The following GPR158 variants were observed in gnomAD, a reference collection of about 807,000 sequenced individuals.
GPR158 encodes the protein G protein-coupled receptor 158, also known as metabotropic glycine receptor.
Under a neutral mutation model 78.2 loss-of-function variants are expected in GPR158, and 30 were observed. That is an observed-to-expected ratio of 0.38 (90% CI 0.29 to 0.52). The LOEUF (loss-of-function observed/expected upper bound fraction) is 0.52. GPR158 is among the 20% of genes least tolerant of loss of function. GPR158 has a pLI of 0.83. For synonymous variants in GPR158, 581 were observed against 591.1 expected, an observed-to-expected ratio of 0.98 and a Z score of 0.25; for missense variants, 1,463 against 1,523.5, an observed-to-expected ratio of 0.96 and a Z score of 0.66.
intron 1 of GPR158, among the ~76,000 whole-genome samples, chr10:25,181,585 G>T (rs983298682): frequency 1.3e-5 from 2 of 152,174 alleles, no homozygotes; most frequent in Non-Finnish European, 2.9e-5. Flanking sequence ...TTGACTTAGG[G>T]TGTTACCAGA....
chr10:25,450,149 C>T (rs1431701366), intron 4 of GPR158, among the ~76,000 whole-genome samples: 3 of 152,022 alleles, frequency 2.0e-5, no homozygotes, highest in Non-Finnish European at 4.4e-5. Context: ...CTGAAGTTAG[C>T]CAGGCCAGAG....
chr10:25,392,419 A>G (rs1834312638), intron 2 of GPR158, among the ~76,000 whole-genome samples: 1 of 152,216 alleles, frequency 6.6e-6, no homozygotes, highest in Non-Finnish European at 1.5e-5. Flanking sequence ...AGTGGGCATA[A>G]TGTGCCTAGC....
chr10:25,525,135 T>A (rs900025558), intron 5 of GPR158, among the ~76,000 whole-genome samples: 1 of 152,174 alleles, frequency 6.6e-6, no homozygotes, highest in African/African-American at 2.4e-5. Context: ...GCAATGAGTG[T>A]TGGCGAGGAG....
At chr10:25,430,188 A>G (rs905787326) in intron 4 of GPR158, among the ~76,000 whole-genome samples, 47 of 152,214 alleles carry the variant, frequency 3.1e-4, no homozygotes, top group African/African-American at 1.0e-3. Flanking sequence ...TCAACATGCA[A>G]AAATCACAAG....
chr10:25,530,371 G>A (rs1443343964), intron 5 of GPR158, among the ~76,000 whole-genome samples: 1 of 152,172 alleles, frequency 6.6e-6, no homozygotes, highest in Non-Finnish European at 1.5e-5. Flanking sequence ...TCTGTGAAGT[G>A]TAAGAGCAGC....
chr10:25,316,736 A>G (rs1469801662), intron 2 of GPR158, among the ~76,000 whole-genome samples: 1 of 152,176 alleles, frequency 6.6e-6, no homozygotes, highest in Non-Finnish European at 1.5e-5. Flanking sequence ...TTTTCTCTAA[A>G]ATTTAAAATA....
intron 2 of GPR158, among the ~76,000 whole-genome samples, chr10:25,266,275 G>C (rs181239642): frequency 6.6e-6 from 1 of 152,226 alleles, no homozygotes; most frequent in African/African-American, 2.4e-5. Context: ...TTGATTGTTT[G>C]TCATTCACTT....
At chr10:25,587,674 A>G (rs189888913) in intron 7 of GPR158, among the ~76,000 whole-genome samples, 139 of 152,316 alleles carry the variant, frequency 9.1e-4, no homozygotes, top group Middle Eastern at 3.4e-3. Flanking sequence ...ACCATGCTGA[A>G]TAAGACAGAC....
At chr10:25,418,309 T>C (rs190363047) in intron 4 of GPR158, among the ~76,000 whole-genome samples, 2 of 152,208 alleles carry the variant, frequency 1.3e-5, no homozygotes, top group African/African-American at 4.8e-5. Flanking sequence ...TGATGAAATA[T>C]TGGTTTAACA....
chr10:25,533,112 T>C (rs1177979131), intron 5 of GPR158, among the ~76,000 whole-genome samples: 1 of 152,212 alleles, frequency 6.6e-6, no homozygotes, highest in African/African-American at 2.4e-5. Context: ...TATTCTTGCA[T>C]ATATATTTCT....
intron 2 of GPR158, among the ~76,000 whole-genome samples, chr10:25,240,989 G>C (rs555425381): frequency 1.3e-4 from 20 of 152,124 alleles, no homozygotes; most frequent in Non-Finnish European, 2.4e-4. Context: ...TCTATTAAGA[G>C]GTTGAGGAAA....
intron 2 of GPR158, among the ~76,000 whole-genome samples, chr10:25,387,873 T>G (rs1473770706): frequency 6.6e-6 from 1 of 152,172 alleles, no homozygotes; most frequent in East Asian, 1.9e-4. Context: ...TTATACATGT[T>G]TAGTAGAATT....
At chr10:25,528,926 A>G (rs1836387690) in intron 5 of GPR158, among the ~76,000 whole-genome samples, 1 of 152,224 alleles carries the variant, frequency 6.6e-6, no homozygotes, top group Non-Finnish European at 1.5e-5. Flanking sequence ...AAATAGATCA[A>G]TGGGACAAAA....
chr10:25,575,658 A>C (rs1837082739), intron 7 of GPR158, among the ~76,000 whole-genome samples: 1 of 152,220 alleles, frequency 6.6e-6, no homozygotes, highest in South Asian at 2.1e-4. Context: ...TAATCTCAAT[A>C]GTGCCCTGGC....
chr10:25,598,990 C>T lies in GPR158; in HGVS notation c.3364C>T (p.Pro1122Ser). 6.2e-7 allele frequency: 1 copy of T among 1,614,070 alleles called. No homozygotes were observed. The highest frequency in any genetic ancestry group is 8.5e-7 in the Non-Finnish European group (1 of 1,180,006). The change falls in exon 11 of 11, where the codon CCC (proline) becomes TCC (serine). Residue 1122 changes from proline (P) to serine (S), a missense_variant. Pro to Ser is a moderately conservative substitution (Grantham distance 74). Coordinates refer to ENST00000376351, the MANE Select transcript of GPR158 (RefSeq NM_020752.3). ...VCAGQSEELP[P>S]KAVASKTENE... ...TGCTGGGCAGAGCGAAGAACTGCCCCCCAAAGCTGTAGCATCAAAAACAGA... is the reference window on the plus strand; with the variant it reads ...TGCTGGGCAGAGCGAAGAACTGCCCTCCAAAGCTGTAGCATCAAAAACAGA...
intron 5 of GPR158, among the ~76,000 whole-genome samples, chr10:25,520,659 G>C (rs9787455): frequency 0.31 from 46,921 of 150,574 alleles, 8,127 homozygotes; most frequent in East Asian, 0.48. Flanking sequence ...TGCCCCTGCT[G>C]GGGGGTGCCT....
chr10:25,210,081 A>G (rs1588736431), intron 1 of GPR158, among the ~76,000 whole-genome samples: 1 of 152,372 alleles, frequency 6.6e-6, no homozygotes, highest in African/African-American at 2.4e-5. Flanking sequence ...CTTCAGTTAC[A>G]CAGTGACAGA....
rs373580292 is a variant in GPR158, at chr10:25,369,597, G to A, written c.1009-26314G>A. On this transcript the variant is annotated intron_variant, in intron 2 of 10. Coordinates refer to ENST00000376351, the MANE Select transcript of GPR158 (RefSeq NM_020752.3). ...GTATTTTATTGAGGATTTTTGCATC[G>A]ATGTTCATCAAGGATATTGGTCTAA... Among the ~76,000 whole-genome samples the A allele has an allele frequency of 9.1e-3, 1,366 of 150,930 alleles. 17 individuals carry two copies. Among genetic ancestry groups the A allele is most frequent in the African/African-American group, 0.023 (929 of 41,118 alleles).
Position 25,405,498 on chromosome 10 carries a change from C to CTTTTT in GPR158, c.1112-6726_1112-6722dup, listed in dbSNP as rs59695469. 7.7e-3 allele frequency among the ~76,000 whole-genome samples: 349 copies of CTTTTT among 45,616 alleles called. 20 individuals are homozygous for CTTTTT. Among genetic ancestry groups the CTTTTT allele is most frequent in the East Asian group, 0.021 (31 of 1,510 alleles). The allele number at this position is 45,616 out of a possible 152,430, so 29.9% of individuals were successfully genotyped here. On this transcript the variant is annotated intron_variant, in intron 3 of 10. Transcript: ENST00000376351. The stretch of plus-strand genomic sequence containing the variant: ...AAAATCTGACAAGAGAAACAATTTC[C>CTTTTT]TTTTTTTTTTTTTTTTTTTTTTTTT...
Sources: allele counts gnomAD v4.1 joint callset (sites outside exome capture counted in the v4.1 genomes callset), GRCh38; gene constraint gnomAD v4.1.1; transcripts MANE v1.5; gene names NCBI Gene and HGNC (gene_info 2026-07-23, HGNC 2026-07-21).